TBC1D5: variants seen among roughly 807,000 people sequenced by gnomAD.
The protein encoded by TBC1D5 is TBC1 domain family member 5.
In TBC1D5, 75 loss-of-function variants were observed where a neutral mutation model predicts 100.3. That is an observed-to-expected ratio of 0.75 (90% confidence interval 0.62 to 0.91). The LOEUF (loss-of-function observed/expected upper bound fraction) is 0.91, where lower values mean the gene tolerates loss of function less well. Ranked by LOEUF, TBC1D5 falls within the 40% of genes least tolerant of loss-of-function variation. TBC1D5 has a pLI of 0.00. For missense variants in TBC1D5, 910 were observed against 942.4 expected (o/e 0.97, Z 0.45); for synonymous variants, 323 against 325.6 (o/e 0.99, Z 0.09).
chr3:17,583,018 C>T (rs188219056), intron 2 of TBC1D5, among the ~76,000 whole-genome samples: 95 of 152,248 alleles, frequency 6.2e-4, no homozygotes, highest in Non-Finnish European at 1.2e-3. Context: ...GGAATGGTGG[C>T]TTATGCCTAT....
intron 1 of TBC1D5, among the ~76,000 whole-genome samples, chr3:17,688,410 G>A (rs2070639156): frequency 6.6e-6 from 1 of 152,132 alleles, no homozygotes; most frequent in Non-Finnish European, 1.5e-5. Flanking sequence ...TTTCTACAAT[G>A]AATACATACT....
At chr3:17,487,448 G>C (rs1388452201) in intron 3 of TBC1D5, among the ~76,000 whole-genome samples, 1 of 152,114 alleles carries the variant, frequency 6.6e-6, no homozygotes, top group Admixed American at 6.5e-5. Context: ...TAATTAACAA[G>C]AGAATTCTTA....
intron 18 of TBC1D5, among the ~76,000 whole-genome samples, chr3:17,194,803 C>A (rs899921924): frequency 1.3e-5 from 2 of 152,088 alleles, no homozygotes; most frequent in African/African-American, 4.8e-5. Flanking sequence ...ACATTGTGAG[C>A]CATTTTAATC....
chr3:17,648,813 A>G (rs1577223178), intron 1 of TBC1D5, among the ~76,000 whole-genome samples: 1 of 152,356 alleles, frequency 6.6e-6, no homozygotes, highest in East Asian at 1.9e-4. Context: ...CTAGTATTAG[A>G]AAGTCGAAAC....
intron 4 of TBC1D5, among the ~76,000 whole-genome samples, chr3:17,416,297 A>G (rs1359091713): frequency 1.3e-5 from 2 of 152,238 alleles, no homozygotes; most frequent in African/African-American, 2.4e-5. Flanking sequence ...CTGACCATAC[A>G]TAGTTACTAA....
chr3:17,532,464 G>C (rs2096239991), intron 2 of TBC1D5, among the ~76,000 whole-genome samples: 1 of 152,110 alleles, frequency 6.6e-6, no homozygotes, highest in Non-Finnish European at 1.5e-5. Flanking sequence ...AATACCATTT[G>C]ACCCAGCCAT....
intron 1 of TBC1D5, among the ~76,000 whole-genome samples, chr3:17,699,000 C>A (rs1485318252): frequency 1.3e-5 from 2 of 151,062 alleles, no homozygotes; most frequent in African/African-American, 4.9e-5. Context: ...CCTCAGGGAT[C>A]TAGAACTCGA....
At chr3:17,484,455 G>GGGGTGTGTGTGT (rs1309270588) in intron 3 of TBC1D5, among the ~76,000 whole-genome samples, 1 of 111,526 alleles carries the variant, frequency 9.0e-6, no homozygotes, top group African/African-American at 4.0e-5. Context: ...GTAACACCAG[G>GGGGTGTGTGTGT]GTGTGTGTGT....
intron 1 of TBC1D5, among the ~76,000 whole-genome samples, chr3:17,631,941 C>A (rs2063537948): frequency 6.6e-6 from 1 of 152,192 alleles, no homozygotes; most frequent in Admixed American, 6.5e-5. Flanking sequence ...CATTCTGCAG[C>A]CCATGAGTCA....
At chr3:17,253,007 C>A (rs1384790620) in intron 16 of TBC1D5, among the ~76,000 whole-genome samples, 1 of 152,182 alleles carries the variant, frequency 6.6e-6, no homozygotes, top group Non-Finnish European at 1.5e-5. Flanking sequence ...GGGCCTAGCA[C>A]AGCGTCTGGC....
intron 13 of TBC1D5, 118 bp downstream of exon 13, chr3:17,371,957 A>G: frequency 1.1e-6 from 1 of 929,532 alleles, no homozygotes. Context: ...GGATCGCTTG[A>G]GCCCAGGGGG....
At chr3:17,276,966 C>G (rs1231572605) in intron 15 of TBC1D5, among the ~76,000 whole-genome samples, 1 of 152,172 alleles carries the variant, frequency 6.6e-6, no homozygotes, top group Non-Finnish European at 1.5e-5. Flanking sequence ...GTTAACAGAG[C>G]TGGCAGAAGC....
intron 1 of TBC1D5, among the ~76,000 whole-genome samples, chr3:17,664,371 G>A (rs2066999572): frequency 6.6e-6 from 1 of 152,114 alleles, no homozygotes; most frequent in Non-Finnish European, 1.5e-5. Flanking sequence ...TGCCTGGCCA[G>A]AAAATGATTT....
At chr3:17,552,161 G>A (rs2096479934) in intron 2 of TBC1D5, among the ~76,000 whole-genome samples, 2 of 150,750 alleles carry the variant, frequency 1.3e-5, no homozygotes, top group Non-Finnish European at 3.0e-5. Context: ...CCTTCCAGAT[G>A]ATTAACACAA....
intron 3 of TBC1D5, among the ~76,000 whole-genome samples, chr3:17,430,965 A>T (rs138886963): frequency 6.6e-6 from 1 of 151,962 alleles, no homozygotes; most frequent in East Asian, 1.9e-4. Context: ...CTATAATATG[A>T]TAAAAAACAT....
chr3:17,457,089 T>G (rs545007497), intron 3 of TBC1D5, among the ~76,000 whole-genome samples: 3 of 152,224 alleles, frequency 2.0e-5, no homozygotes, highest in Admixed American at 6.5e-5. Context: ...ATATATAGTA[T>G]TTTTTTCTAA....
At chr3:17,353,404 A>G (rs2090864641) in intron 13 of TBC1D5, among the ~76,000 whole-genome samples, 1 of 152,038 alleles carries the variant, frequency 6.6e-6, no homozygotes, top group South Asian at 2.1e-4. Context: ...TACACTTTTT[A>G]TATTTAATTT....
intron 3 of TBC1D5, among the ~76,000 whole-genome samples, chr3:17,454,955 A>G (rs1365632568): frequency 6.6e-6 from 1 of 152,024 alleles, no homozygotes; most frequent in Non-Finnish European, 1.5e-5. Context: ...ACAACAAAAA[A>G]AGGAAAGATA....
At chr3:17,517,211 T>G (rs948982579) in intron 2 of TBC1D5, among the ~76,000 whole-genome samples, 2 of 152,250 alleles carry the variant, frequency 1.3e-5, no homozygotes, top group African/African-American at 4.8e-5. Context: ...CCTTTCTTGC[T>G]GTAGGCAACA....
Sources: allele counts gnomAD v4.1 joint callset (sites outside exome capture counted in the v4.1 genomes callset), GRCh38; gene constraint gnomAD v4.1.1; transcripts MANE v1.5; gene names NCBI Gene and HGNC (gene_info 2026-07-23, HGNC 2026-07-21).